The following CSMD3 variants were observed in gnomAD, a reference collection of about 807,000 sequenced individuals.
CSMD3 encodes the protein CUB and Sushi multiple domains 3.
CSMD3 carries 177 observed loss-of-function variants against 435.2 expected under a neutral mutation model. That is an observed-to-expected ratio of 0.41 (90% CI 0.36 to 0.46). The LOEUF is 0.46. CSMD3 is among the 20% of genes least tolerant of loss of function. The pLI, the probability that CSMD3 is intolerant of heterozygous loss-of-function variation, is 0.34. For synonymous variants in CSMD3, 1,656 were observed against 1,520.5 expected (o/e 1.09, Z -2.07); for missense variants, 4,265 against 4,504.6 (o/e 0.95, Z 1.52).
rs947946265 is a variant in CSMD3, at chr8:112,224,532, A to T, written c.*239T>A. The T allele has an allele frequency of 2.2e-5, 12 of 548,372 alleles. No individual in the cohort carries two copies. Among genetic ancestry groups the T allele is most frequent in the Non-Finnish European group, 3.6e-5 (11 of 304,800 alleles). 34.0% of individuals were successfully genotyped at this position (548,372 alleles called of 1,614,324 possible). ...TTAGAATAATCTCCTTTTTAAAAAA[A>T]GCAAATAAACTGTGAGTAAGCACTC... is the stretch of plus-strand genomic sequence containing the variant. On this transcript the variant is annotated 3_prime_UTR_variant, in exon 71 of 71. Coordinates refer to ENST00000297405, the MANE Select transcript of CSMD3 (RefSeq NM_198123.2).
At chr8:112,944,206 T>C (rs902434844) in intron 9 of CSMD3, among the ~76,000 whole-genome samples, 7 of 151,690 alleles carry the variant, frequency 4.6e-5, no homozygotes, top group Non-Finnish European at 7.4e-5. Flanking sequence ...CCTTCCTAGA[T>C]GCGGCGTTAC....
intron 3 of CSMD3, among the ~76,000 whole-genome samples, chr8:113,182,988 TG>T (rs2092445738): frequency 6.6e-6 from 1 of 151,954 alleles, no homozygotes; most frequent in Admixed American, 6.6e-5. Context: ...TAACCCCATG[TG>T]GGTAGGCAAA....
At chr8:113,414,719 G>A (rs2094574531) in intron 1 of CSMD3, among the ~76,000 whole-genome samples, 1 of 150,348 alleles carries the variant, frequency 6.7e-6, no homozygotes, top group African/African-American at 2.4e-5. Context: ...CCAGAACTTT[G>A]GGAGACCAAG....
chr8:113,241,883 T>C (rs1484201715), intron 3 of CSMD3, among the ~76,000 whole-genome samples: 1 of 151,714 alleles, frequency 6.6e-6, no homozygotes, highest in Non-Finnish European at 1.5e-5. Flanking sequence ...TTGTCCATGA[T>C]AGGTCCTGAT....
chr8:112,427,965 T>C (rs1813255017), intron 32 of CSMD3, among the ~76,000 whole-genome samples: 1 of 152,150 alleles, frequency 6.6e-6, no homozygotes, highest in African/African-American at 2.4e-5. Context: ...AATATGATCA[T>C]GTCACTTCCC....
chr8:112,319,025 G>A (rs956528314), intron 46 of CSMD3, 75 bp from the exon 47 acceptor site: 73 of 867,948 alleles, frequency 8.4e-5, no homozygotes, highest in Admixed American at 2.9e-4. Flanking sequence ...TTCAATTGTA[G>A]GAGAATATTT....
chr8:112,539,814 G>A (rs1403419779), intron 27 of CSMD3, among the ~76,000 whole-genome samples: 1 of 151,886 alleles, frequency 6.6e-6, no homozygotes, highest in Non-Finnish European at 1.5e-5. Flanking sequence ...GAAAACATTG[G>A]GAAATACTTC....
intron 1 of CSMD3, among the ~76,000 whole-genome samples, chr8:113,332,377 A>G (rs1352122240): frequency 6.6e-6 from 1 of 151,576 alleles, no homozygotes; most frequent in Non-Finnish European, 1.5e-5. Context: ...ATCCCTGTAT[A>G]TAGAAAACCC....
At chr8:113,259,357 C>T (rs1274312512) in intron 3 of CSMD3, among the ~76,000 whole-genome samples, 1 of 152,064 alleles carries the variant, frequency 6.6e-6, no homozygotes, top group African/African-American at 2.4e-5. Flanking sequence ...CTATAAGAGG[C>T]CAAGTGGATT....
In CSMD3 at chr8:112,975,605, C is replaced by A. The variant is rs1352084402; in HGVS notation, c.1342+232G>T. On this transcript the variant is annotated intron_variant, in intron 7 of 70. Transcript: ENST00000297405. ...AATGATTTCTGTTCTACTTTTACCC[C>A]CTCCCCCTCCAACATTTGCATTGCA... Among the ~76,000 whole-genome samples the A allele has an allele frequency of 5.9e-5, 9 of 152,020 alleles. No individual in the cohort carries two copies. In the East Asian group the frequency reaches 1.7e-3, roughly 29 times the overall value.
At chr8:113,327,264 T>G (rs2132742075) in intron 1 of CSMD3, among the ~76,000 whole-genome samples, 1 of 152,340 alleles carries the variant, frequency 6.6e-6, no homozygotes, top group African/African-American at 2.4e-5. Context: ...GATAACATAT[T>G]ACTTTTTGAA....
intron 1 of CSMD3, among the ~76,000 whole-genome samples, chr8:113,315,925 G>A (rs920641121): frequency 1.3e-5 from 2 of 151,770 alleles, no homozygotes; most frequent in Non-Finnish European, 2.9e-5. Context: ...CACCATGCTG[G>A]CCAGGCTGCT....
At position 112,408,895 on chromosome 8, in the gene CSMD3, C is replaced by T. The variant is rs747254484; in HGVS notation, c.5509+24G>A. 31 of 1,613,168 alleles carry T rather than the reference C, an allele frequency of 1.9e-5. 1 individual carries two copies. The South Asian group carries it at 2.9e-4, about 15-fold the overall frequency. On this transcript the variant is annotated intron_variant, in intron 33 of 70. Coordinates refer to ENST00000297405, the MANE Select transcript of CSMD3 (RefSeq NM_198123.2). ...GTCAGTCTTTAATCAGTAACTGATG[C>T]ATGGCAGTTCTATTAAAGGATACCT...
intron 3 of CSMD3, among the ~76,000 whole-genome samples, chr8:113,249,431 G>A (rs1333357626): frequency 6.6e-6 from 1 of 151,886 alleles, no homozygotes; most frequent in East Asian, 1.9e-4. Flanking sequence ...GATGGTCCCA[G>A]AAACAAGTTT....
intron 32 of CSMD3, among the ~76,000 whole-genome samples, chr8:112,466,346 A>T (rs548952286): frequency 6.6e-6 from 1 of 152,180 alleles, no homozygotes; most frequent in African/African-American, 2.4e-5. Flanking sequence ...GGTGGCAATA[A>T]ATGATTGAAT....
Position 112,829,718 on chromosome 8 carries a change from G to T in CSMD3, c.1827C>A (p.Gly609=), listed in dbSNP as rs765801232. ...GYDTLTIGDG[G]EVGDPRTVLQ... is the part of the protein sequence containing the mutation. ...GCACTGTCCTAGGATCTCCAACTTC[G>T]CCCCCATCGCCAATTGTCAAGGTAT... The change falls in exon 12 of 71, where the codon GGC becomes GGA. Residue 609 remains glycine (G), a synonymous_variant. Transcript: ENST00000297405. 3 of 1,612,114 alleles carry T rather than the reference G, an allele frequency of 1.9e-6. No individual in the cohort carries two copies. The highest frequency in any genetic ancestry group is 2.5e-6 in the Non-Finnish European group (3 of 1,178,562).
intron 13 of CSMD3, among the ~76,000 whole-genome samples, chr8:112,757,680 G>A (rs1237109420): frequency 6.6e-6 from 1 of 152,126 alleles, no homozygotes; most frequent in African/African-American, 2.4e-5. Context: ...GCACAGGAGA[G>A]GTGATCCCTA....
At chr8:112,545,122 T>C (rs1424031829) in intron 27 of CSMD3, among the ~76,000 whole-genome samples, 1 of 152,114 alleles carries the variant, frequency 6.6e-6, no homozygotes, top group Non-Finnish European at 1.5e-5. Context: ...TACGTATCAT[T>C]CAAACCACAA....
At chr8:113,346,325 G>A (rs936128504) in intron 1 of CSMD3, among the ~76,000 whole-genome samples, 2 of 151,462 alleles carry the variant, frequency 1.3e-5, no homozygotes, top group African/African-American at 4.9e-5. Flanking sequence ...TTTCTTTTCT[G>A]ATAAGAAATG....
Sources: gnomAD v4.1 joint callset for allele counts (sites outside exome capture counted in the v4.1 genomes callset) on GRCh38, gnomAD v4.1.1 for gene constraint, MANE v1.5 for transcripts, NCBI Gene and HGNC (gene_info 2026-07-23, HGNC 2026-07-21) for gene names.